Variants in EXOC6B observed in about 807,000 individuals in gnomAD.
EXOC6B encodes exocyst complex component 6B.
Under a neutral mutation model 113.5 loss-of-function variants are expected in EXOC6B, and 54 were observed. The ratio of observed to expected loss-of-function variants is 0.48; its 90% CI spans 0.38 to 0.60. The LOEUF (loss-of-function observed/expected upper bound fraction) is 0.60. EXOC6B is among the 20% of genes least tolerant of loss of function. EXOC6B has a pLI of 0.00. For missense variants in EXOC6B, 797 were observed against 977.5 expected, an observed-to-expected ratio of 0.82 and a Z score of 2.46; for synonymous variants, 357 against 339.0, an observed-to-expected ratio of 1.05 and a Z score of -0.58.
chr2:72,655,012 T>C (rs1028324421), intron 6 of EXOC6B, among the ~76,000 whole-genome samples: 1 of 152,180 alleles, frequency 6.6e-6, no homozygotes, highest in Non-Finnish European at 1.5e-5. Flanking sequence ...TAGAACCAAG[T>C]CTAAATCCTA....
intron 20 of EXOC6B, among the ~76,000 whole-genome samples, chr2:72,220,898 A>G (rs1474359342): frequency 6.6e-6 from 1 of 152,154 alleles, no homozygotes; most frequent in African/African-American, 2.4e-5. Flanking sequence ...AATTTAATAC[A>G]TTCACATACT....
intron 6 of EXOC6B, among the ~76,000 whole-genome samples, chr2:72,670,171 T>A (rs1196694336): frequency 6.6e-6 from 1 of 152,194 alleles, no homozygotes; most frequent in Admixed American, 6.5e-5. Flanking sequence ...TAAACAAGTA[T>A]CCAACTACTT....
chr2:72,500,340 ATTTC>A (rs1700250715), intron 11 of EXOC6B, among the ~76,000 whole-genome samples: 1 of 152,332 alleles, frequency 6.6e-6, no homozygotes, highest in East Asian at 1.9e-4. Context: ...ATAAATTTGT[ATTTC>A]TTTATGTAAA....
At chr2:72,418,916 G>A (rs1333872178) in intron 18 of EXOC6B, among the ~76,000 whole-genome samples, 1 of 151,728 alleles carries the variant, frequency 6.6e-6, no homozygotes, top group Non-Finnish European at 1.5e-5. Context: ...GTCTTTTTTT[G>A]TGATTAGTTA....
chr2:72,821,267 C>T (rs971217922), intron 1 of EXOC6B, among the ~76,000 whole-genome samples: 1 of 151,996 alleles, frequency 6.6e-6, no homozygotes, highest in Non-Finnish European at 1.5e-5. Context: ...ATCAAAACTA[C>T]AATGAAATGC....
intron 16 of EXOC6B, among the ~76,000 whole-genome samples, chr2:72,485,672 A>G (rs1699388260): frequency 6.6e-6 from 1 of 152,242 alleles, no homozygotes; most frequent in Admixed American, 6.5e-5. Flanking sequence ...ACTTAAGTAC[A>G]AAACATTTTA....
chr2:72,702,932 T>A (rs1678541547), intron 6 of EXOC6B, among the ~76,000 whole-genome samples: 1 of 152,028 alleles, frequency 6.6e-6, no homozygotes, highest in African/African-American at 2.4e-5. Context: ...TTTAATGAGA[T>A]CCCATTTGTC....
intron 3 of EXOC6B, among the ~76,000 whole-genome samples, chr2:72,732,710 G>C (rs1009710322): frequency 8.5e-5 from 13 of 152,296 alleles, no homozygotes; most frequent in African/African-American, 2.9e-4. Flanking sequence ...GCACGGGTGA[G>C]AGTGAGACTA....
chr2:72,714,866 G>A (rs748919265), intron 6 of EXOC6B, among the ~76,000 whole-genome samples: 2 of 152,180 alleles, frequency 1.3e-5, no homozygotes, highest in Non-Finnish European at 2.9e-5. Flanking sequence ...GGGAAGAACA[G>A]TGGGTATGGT....
chr2:72,587,231 G>C (rs1047112271), intron 6 of EXOC6B, among the ~76,000 whole-genome samples: 1 of 152,172 alleles, frequency 6.6e-6, no homozygotes, highest in Non-Finnish European at 1.5e-5. Flanking sequence ...ATACTAGGTA[G>C]CCATAAAAAG....
rs956230253 is a variant in EXOC6B, at chr2:72,176,034, A to G, written c.*3301T>C. On this transcript the variant is annotated 3_prime_UTR_variant, in exon 22 of 22. Transcript: ENST00000272427. ...TTTCTTGTTTAATAGCAGTTAAAAG[A>G]GGAAAATGTACAAGAGGAATAAACA... is the stretch of plus-strand genomic sequence containing the variant. 1 of 152,236 alleles carries G rather than the reference A, an allele frequency of 6.6e-6. No individual in the cohort carries two copies. The highest frequency in any genetic ancestry group is 2.4e-5 in the African/African-American group (1 of 41,468). The allele number at this position is 152,236 out of a possible 1,614,324, so 9.4% of individuals were successfully genotyped here. A position where few individuals can be genotyped will look rare whatever the true frequency, so the allele number is the denominator to read the frequency against.
At chr2:72,348,245 C>T (rs1287323003) in intron 19 of EXOC6B, among the ~76,000 whole-genome samples, 2 of 152,138 alleles carry the variant, frequency 1.3e-5, no homozygotes, top group Non-Finnish European at 2.9e-5. Context: ...TCCTCTTGAC[C>T]TAACCTAAAG....
At chr2:72,677,750 TAA>T (rs543799075) in intron 6 of EXOC6B, among the ~76,000 whole-genome samples, 3 of 152,234 alleles carry the variant, frequency 2.0e-5, no homozygotes, top group Non-Finnish European at 4.4e-5. Flanking sequence ...TTGGATTTCA[TAA>T]AAGAGTACTC....
chr2:72,569,364 C>T (rs1704390198), intron 7 of EXOC6B, among the ~76,000 whole-genome samples: 1 of 151,888 alleles, frequency 6.6e-6, no homozygotes, highest in Non-Finnish European at 1.5e-5. Context: ...GTGGCCCCGT[C>T]AGTCTGTTTT....
At chr2:72,563,804 G>A (rs73943201) in intron 7 of EXOC6B, among the ~76,000 whole-genome samples, 1,853 of 152,012 alleles carry the variant, frequency 0.012, 15 homozygotes, top group African/African-American at 0.027. Flanking sequence ...CTCTAAGAAC[G>A]GAAAAGTAAA....
At chr2:72,232,296 TTTA>T (rs1158484362) in intron 20 of EXOC6B, among the ~76,000 whole-genome samples, 1 of 152,166 alleles carries the variant, frequency 6.6e-6, no homozygotes, top group African/African-American at 2.4e-5. Flanking sequence ...GCAAAGATTT[TTTA>T]AAAACTGAGA....
chr2:72,401,629 A>ACG lies in EXOC6B; in HGVS notation c.1981-21760_1981-21759insCG, dbSNP rs1693300849. Among the ~76,000 whole-genome samples, 8 of 52,354 alleles carry ACG rather than the reference A, an allele frequency of 1.5e-4. No individual in the cohort carries two copies. The African/African-American group carries it at 1.8e-3, about 12-fold the overall frequency. The allele number at this position is 52,354 out of a possible 152,430, so 34.3% of individuals were successfully genotyped here. A position where few individuals can be genotyped will look rare whatever the true frequency, so the allele number is the denominator to read the frequency against. ...TGTATATATATATATATACATATAT[A>ACG]TATATATACATATATACATATATAT... is the stretch of plus-strand genomic sequence containing the variant. On this transcript the variant is annotated intron_variant, in intron 18 of 21. Transcript: ENST00000272427.
chr2:72,530,229 T>C (rs1469337574), intron 8 of EXOC6B, among the ~76,000 whole-genome samples: 1 of 152,224 alleles, frequency 6.6e-6, no homozygotes, highest in African/African-American at 2.4e-5. Context: ...CATTATTCGT[T>C]TAAGACTTTT....
At chr2:72,744,537 C>G (rs1383200834) in intron 1 of EXOC6B, among the ~76,000 whole-genome samples, 1 of 152,158 alleles carries the variant, frequency 6.6e-6, no homozygotes, top group East Asian at 1.9e-4. Context: ...AGAAAGGTTT[C>G]CATGTAAAGA....
Sources: gnomAD v4.1 joint callset for allele counts (sites outside exome capture counted in the v4.1 genomes callset) on GRCh38, gnomAD v4.1.1 for gene constraint, MANE v1.5 for transcripts, NCBI Gene and HGNC (gene_info 2026-07-23, HGNC 2026-07-21) for gene names.